Variants in KCNB2 observed in about 807,000 individuals in gnomAD.
KCNB2 encodes delayed rectifier potassium channel protein.
Under a neutral mutation model 61.5 loss-of-function variants are expected in KCNB2, and 15 were observed. The observed-to-expected ratio is 0.24, with a 90% CI of 0.16 to 0.38. The LOEUF (loss-of-function observed/expected upper bound fraction) is 0.38, where lower values mean the gene tolerates loss of function less well. KCNB2 is among the 10% of genes least tolerant of loss of function. The pLI, the probability that KCNB2 is intolerant of heterozygous loss-of-function variation, is 1.00. For synonymous variants in KCNB2, 457 were observed against 446.0 expected (o/e 1.02, Z -0.31); for missense variants, 828 against 1,125.2 (o/e 0.74, Z 3.78).
chr8:72,694,565 A>G (rs1403592314), intron 2 of KCNB2, among the ~76,000 whole-genome samples: 3 of 152,200 alleles, frequency 2.0e-5, no homozygotes. Flanking sequence ...ACTTTTACAT[A>G]GACAGACATT....
chr8:72,700,462 G>T (rs566757673), intron 2 of KCNB2, among the ~76,000 whole-genome samples: 1 of 151,944 alleles, frequency 6.6e-6, no homozygotes, highest in African/African-American at 2.4e-5. Flanking sequence ...ATGAAAAAAC[G>T]TTCAACATCA....
chr8:72,619,628 G>A (rs1805683691), intron 2 of KCNB2, among the ~76,000 whole-genome samples: 1 of 151,662 alleles, frequency 6.6e-6, no homozygotes, highest in African/African-American at 2.4e-5. Context: ...ACTCCTCAAG[G>A]AAGAAGTGCC....
chr8:72,861,629 C>A (rs561839488), intron 2 of KCNB2, among the ~76,000 whole-genome samples: 1 of 152,322 alleles, frequency 6.6e-6, no homozygotes, highest in South Asian at 2.1e-4. Context: ...GTGGGCCGCT[C>A]ACCCAGCCTG....
intron 2 of KCNB2, among the ~76,000 whole-genome samples, chr8:72,862,293 T>C (rs1805432468): frequency 1.3e-5 from 2 of 152,242 alleles, no homozygotes; most frequent in African/African-American, 4.8e-5. Context: ...TTAATCTTTT[T>C]AATTAGTTAA....
intron 2 of KCNB2, among the ~76,000 whole-genome samples, chr8:72,612,645 G>A (rs1805558993): frequency 6.6e-6 from 1 of 152,164 alleles, no homozygotes. Context: ...TAGGAACTGA[G>A]ACATCAGGGT....
At chr8:72,822,767 A>G (rs1434803109) in intron 2 of KCNB2, among the ~76,000 whole-genome samples, 1 of 152,126 alleles carries the variant, frequency 6.6e-6, no homozygotes, top group Non-Finnish European at 1.5e-5. Context: ...AAATTCAGAG[A>G]CCTTCCTAGT....
intron 2 of KCNB2, among the ~76,000 whole-genome samples, chr8:72,863,061 A>G (rs1805446919): frequency 6.6e-6 from 1 of 152,230 alleles, no homozygotes; most frequent in Non-Finnish European, 1.5e-5. Flanking sequence ...TTTAATTACA[A>G]TATAATGTTA....
chr8:72,906,074 G>C (rs1209943409), intron 2 of KCNB2, among the ~76,000 whole-genome samples: 1 of 152,186 alleles, frequency 6.6e-6, no homozygotes, highest in Non-Finnish European at 1.5e-5. Flanking sequence ...CAAGCAGCTC[G>C]AAAGCTGCCA....
intron 2 of KCNB2, among the ~76,000 whole-genome samples, chr8:72,935,669 T>C (rs553423661): frequency 6.6e-6 from 1 of 152,322 alleles, no homozygotes; most frequent in East Asian, 1.9e-4. Context: ...CAGCCATATG[T>C]GGCCCTCATC....
intron 2 of KCNB2, among the ~76,000 whole-genome samples, chr8:72,706,619 A>T (rs900347598): frequency 6.6e-6 from 1 of 152,164 alleles, no homozygotes; most frequent in Non-Finnish European, 1.5e-5. Flanking sequence ...GTTTCTATCT[A>T]TGCACACTGC....
chr8:72,677,056 C>T (rs891487567), intron 2 of KCNB2, among the ~76,000 whole-genome samples: 2 of 151,922 alleles, frequency 1.3e-5, no homozygotes, highest in Admixed American at 6.6e-5. Context: ...AGGGTGGGCC[C>T]CTAAACCAAT....
chr8:72,904,178 A>G (rs1201169762), intron 2 of KCNB2, among the ~76,000 whole-genome samples: 1 of 152,108 alleles, frequency 6.6e-6, no homozygotes, highest in Admixed American at 6.6e-5. Context: ...ATCACCAATC[A>G]CTTTCATCAA....
chr8:72,702,559 TG>T (rs1209002670), intron 2 of KCNB2, among the ~76,000 whole-genome samples: 2 of 152,164 alleles, frequency 1.3e-5, no homozygotes, highest in African/African-American at 4.8e-5. Context: ...CCTTGCACAT[TG>T]GAAAGGAGGG....
intron 2 of KCNB2, among the ~76,000 whole-genome samples, chr8:72,617,027 C>T (rs973081469): frequency 3.9e-5 from 6 of 152,124 alleles, no homozygotes; most frequent in Admixed American, 2.6e-4. Flanking sequence ...GGTGTCTGCT[C>T]AATTGTGATT....
intron 2 of KCNB2, among the ~76,000 whole-genome samples, chr8:72,896,484 C>T (rs945304647): frequency 5.3e-5 from 8 of 152,190 alleles, no homozygotes; most frequent in Admixed American, 5.2e-4. Flanking sequence ...GCAAAGTCTC[C>T]TTTTCAGATT....
intron 2 of KCNB2, among the ~76,000 whole-genome samples, chr8:72,745,908 C>A (rs1372978874): frequency 6.6e-6 from 1 of 152,100 alleles, no homozygotes; most frequent in Non-Finnish European, 1.5e-5. Context: ...AACAAAGACA[C>A]TCTTATCACT....
intron 2 of KCNB2, among the ~76,000 whole-genome samples, chr8:72,712,535 G>T (rs1474681844): frequency 6.6e-6 from 1 of 152,178 alleles, no homozygotes; most frequent in Non-Finnish European, 1.5e-5. Context: ...ATCACTGACT[G>T]GATGCTTATT....
intron 2 of KCNB2, among the ~76,000 whole-genome samples, chr8:72,789,350 CA>C (rs1277534697): frequency 6.6e-6 from 1 of 152,150 alleles, no homozygotes; most frequent in Non-Finnish European, 1.5e-5. Flanking sequence ...GGTGAGAATT[CA>C]GTTGTGTCCA....
At chr8:72,824,465 C>G (rs1203677958) in intron 2 of KCNB2, among the ~76,000 whole-genome samples, 1 of 152,090 alleles carries the variant, frequency 6.6e-6, no homozygotes, top group Admixed American at 6.5e-5. Flanking sequence ...TCCCAGGCAT[C>G]TCGAGGTGTG....
Sources: allele counts gnomAD v4.1 joint callset (sites outside exome capture counted in the v4.1 genomes callset), GRCh38; gene constraint gnomAD v4.1.1; transcripts MANE v1.5; gene names NCBI Gene and HGNC (gene_info 2026-07-23, HGNC 2026-07-21).